MMD2: variants seen among roughly 807,000 people sequenced by gnomAD.
The protein encoded by MMD2 is monocyte to macrophage differentiation associated 2, also known as monocyte to macrophage differentiation factor 2.
A neutral mutation model predicts 33.5 loss-of-function variants in MMD2; 30 were observed. The ratio of observed to expected loss-of-function variants is 0.90; its 90% CI spans 0.67 to 1.22. The LOEUF is 1.22. Ranked by LOEUF, MMD2 falls within the 50% of genes most tolerant of loss-of-function variation. The probability of loss-of-function intolerance (pLI) is 0.00; values close to 1 mark genes in which losing one functional copy is unlikely to be tolerated. For missense variants in MMD2, 364 were observed against 325.4 expected (o/e 1.12, Z -0.91); for synonymous variants, 129 against 123.0 (o/e 1.05, Z -0.32).
chr7:4,923,656 C>A (rs931164979), intron 2 of MMD2, among the ~76,000 whole-genome samples: 3 of 152,130 alleles, frequency 2.0e-5, no homozygotes, highest in African/African-American at 7.2e-5. Context: ...GATGAGTTAG[C>A]TTGTGGCTTT....
At chr7:4,926,448 C>CT (rs1785429775) in intron 1 of MMD2, among the ~76,000 whole-genome samples, 1 of 152,032 alleles carries the variant, frequency 6.6e-6, no homozygotes, top group Admixed American at 6.6e-5. Flanking sequence ...TATAGCTCTG[C>CT]AAGGGGCAGC....
chr7:4,924,782 T>C (rs865924642), intron 2 of MMD2, among the ~76,000 whole-genome samples: 5 of 152,180 alleles, frequency 3.3e-5, no homozygotes, highest in African/African-American at 1.2e-4. Context: ...CATGGAGTCA[T>C]GTCTTCCATT....
downstream of MMD2, among the ~76,000 whole-genome samples, chr7:4,901,925 ACAC>A (rs1166608138): frequency 1.3e-5 from 2 of 152,206 alleles, no homozygotes; most frequent in Non-Finnish European, 2.9e-5. Context: ...TGACAATGCT[ACAC>A]ACCAGAGGTT....
chr7:4,917,703 T>C (rs2345226), intron 3 of MMD2, among the ~76,000 whole-genome samples: 2 of 148,942 alleles, frequency 1.3e-5, no homozygotes, highest in Non-Finnish European at 3.0e-5. Flanking sequence ...AAAAAAAAAA[T>C]AAAAAATAGA....
At chr7:4,904,058 G>A (rs970389523), downstream of MMD2, among the ~76,000 whole-genome samples, 3 of 152,192 alleles carry the variant, frequency 2.0e-5, no homozygotes, top group East Asian at 1.9e-4. Context: ...TCAGCCTCCC[G>A]AGTAGCTGAG....
intron 5 of MMD2, among the ~76,000 whole-genome samples, chr7:4,910,548 T>C (rs1784978810): frequency 6.6e-6 from 1 of 152,130 alleles, no homozygotes. Context: ...CTGCTAATAA[T>C]TTAGGTAGGG....
rs948068097 is a variant in MMD2, at chr7:4,940,536, G to A, written c.48-15004C>T. Among the ~76,000 whole-genome samples, 10 of 152,218 alleles carry A rather than the reference G, an allele frequency of 6.6e-5. No homozygotes were observed. The highest frequency in any genetic ancestry group is 2.4e-4 in the African/African-American group (10 of 41,464). On this transcript the variant is annotated intron_variant, in intron 1 of 6. Transcript: ENST00000401401. The surrounding 1 kb of genome is among the most constrained non-coding windows in gnomAD (Gnocchi z 5.0). ...GCAAGGGACCACGCAGGGCCAAGTT[G>A]GCCCCGGCCGTGCTAAGCCTCTCTC... is the stretch of plus-strand genomic sequence containing the variant.
chr7:4,923,618 T>C (rs59570624), intron 2 of MMD2, among the ~76,000 whole-genome samples: 1 of 34,292 alleles, frequency 2.9e-5, no homozygotes, highest in Non-Finnish European at 4.9e-5. Flanking sequence ...TAGAGCTTTA[T>C]TTTTGGGGTG....
intron 4 of MMD2, among the ~76,000 whole-genome samples, chr7:4,911,881 C>T (rs1054899303): frequency 9.2e-5 from 14 of 152,008 alleles, no homozygotes; most frequent in Admixed American, 7.9e-4. Context: ...CTCCTGACCT[C>T]AGGTGATCCA....
chr7:4,924,872 G>C (rs1445631048), intron 2 of MMD2, among the ~76,000 whole-genome samples: 1 of 152,122 alleles, frequency 6.6e-6, no homozygotes, highest in East Asian at 1.9e-4. Context: ...AGACGGGCTA[G>C]GAGCTTGCTA....
Position 4,907,177 on chromosome 7 carries a change from C to T in MMD2, c.*219G>A, listed in dbSNP as rs1052968232. ...GAAACACTCATCTAAAATAGAAACA[C>T]ATTACAGGGTTAATTTCTCCTCTGT... is the stretch of plus-strand genomic sequence containing the variant. On this transcript the variant is annotated 3_prime_UTR_variant, in exon 7 of 7. Transcript: ENST00000401401. The T allele has an allele frequency of 3.4e-5, 19 of 560,630 alleles. No individual in the cohort carries two copies. The highest frequency in any genetic ancestry group is 5.8e-5 in the Non-Finnish European group (18 of 312,218). 34.7% of individuals were successfully genotyped at this position (560,630 alleles called of 1,614,324 possible). A position where few individuals can be genotyped will look rare whatever the true frequency, so the allele number is the denominator to read the frequency against.
chr7:4,910,053 C>T lies in MMD2; in HGVS notation c.468-103G>A, dbSNP rs149529712. 1.3e-3 allele frequency: 2,150 copies of T among 1,611,258 alleles called. 4 individuals carry two copies. The highest frequency in any genetic ancestry group is 1.7e-3 in the Non-Finnish European group (2,021 of 1,178,846). ...GGAAGAGGGAACACTCTGGCCAGAA[C>T]AGTGAGAAGAAAGGACGCTTTCTCT... is the stretch of plus-strand genomic sequence containing the variant. On this transcript the variant is annotated intron_variant, in intron 5 of 6. Transcript: ENST00000401401.
chr7:4,918,792 A>AT (rs879608584), intron 3 of MMD2, among the ~76,000 whole-genome samples: 4,447 of 145,826 alleles, frequency 0.03, 187 homozygotes, highest in African/African-American at 0.098. Context: ...CTGGCCTGTA[A>AT]TTTTTTTTTT....
intron 1 of MMD2, among the ~76,000 whole-genome samples, chr7:4,957,633 G>C (rs906420068): frequency 2.7e-5 from 4 of 149,360 alleles, no homozygotes; most frequent in Admixed American, 1.4e-4. Flanking sequence ...TGGGCAACAA[G>C]AGCGAGACTC....
In MMD2 at chr7:4,920,639, T is replaced by C. The variant is rs959715794; in HGVS notation, c.130-308A>G. ...CCTTTCCTTTCCTTTTTTTCTTTTC[T>C]TTCTCTTTTCCTTTCCTCTTTCTTT... On this transcript the variant is annotated intron_variant, in intron 2 of 6. Coordinates refer to ENST00000401401, the MANE Select transcript of MMD2 (RefSeq NM_198403.4). Among the ~76,000 whole-genome samples the C allele has an allele frequency of 2.0e-5, 3 of 150,022 alleles. No homozygotes were observed. The South Asian group carries it at 6.5e-4, about 32-fold the overall frequency.
chr7:4,912,313 CT>C (rs1262602162), intron 4 of MMD2, among the ~76,000 whole-genome samples: 2 of 151,872 alleles, frequency 1.3e-5, no homozygotes, highest in Non-Finnish European at 2.9e-5. Flanking sequence ...AATCCCAGCA[CT>C]TTGGGAGGCT....
At chr7:4,934,550 G>C (rs1056166015) in intron 1 of MMD2, among the ~76,000 whole-genome samples, 3 of 152,210 alleles carry the variant, frequency 2.0e-5, no homozygotes, top group Admixed American at 6.5e-5. Flanking sequence ...TAAACTAAAG[G>C]AGGGAAGTGG....
intron 1 of MMD2, among the ~76,000 whole-genome samples, chr7:4,938,002 C>CTTTTTTTTTTTTTT (rs1165504272): frequency 2.6e-4 from 12 of 45,650 alleles, no homozygotes; most frequent in South Asian, 1.4e-3. Flanking sequence ...TTCTTTCTTT[C>CTTTTTTTTTTTTTT]TTTTTTTTTT....
chr7:4,947,735 T>A (rs527289816), intron 1 of MMD2, among the ~76,000 whole-genome samples: 2 of 136,878 alleles, frequency 1.5e-5, no homozygotes, highest in East Asian at 4.4e-4. Context: ...AATTTTGCTC[T>A]GTTGCCCAGG....
Sources: gnomAD v4.1 joint callset for allele counts (sites outside exome capture counted in the v4.1 genomes callset) on GRCh38, gnomAD v4.1.1 for gene constraint, Gnocchi (gnomAD v3.1) non-coding constraint, MANE v1.5 for transcripts, NCBI Gene and HGNC (gene_info 2026-07-23, HGNC 2026-07-21) for gene names.